The following MYO18A variants were observed in gnomAD, a reference collection of about 807,000 sequenced individuals.
The protein encoded by MYO18A is myosin XVIIIA, also known as unconventional myosin-XVIIIa.
In MYO18A, 78 loss-of-function variants were observed where a neutral mutation model predicts 235.8. The observed-to-expected ratio is 0.33, with a 90% CI of 0.28 to 0.40. The LOEUF (loss-of-function observed/expected upper bound fraction) is 0.40. Ranked by LOEUF, MYO18A falls within the 10% of genes least tolerant of loss-of-function variation. The probability of loss-of-function intolerance (pLI) is 1.00; values close to 1 mark genes in which losing one functional copy is unlikely to be tolerated. For missense variants in MYO18A, 2,215 were observed against 2,699.3 expected, an observed-to-expected ratio of 0.82 and a Z score of 3.98; for synonymous variants, 977 against 1,077.8, an observed-to-expected ratio of 0.91 and a Z score of 1.83.
At chr17:29,086,635 A>G in intron 38 of MYO18A, 58 bp from the exon 39 acceptor site, 1 of 1,581,892 alleles carries the variant, frequency 6.3e-7, no homozygotes, top group East Asian at 2.3e-5. Flanking sequence ...CTAGATGGCC[A>G]GAAGAAGCCT....
chr17:29,124,639 G>A (rs1273352834), intron 2 of MYO18A: 5 of 1,280,150 alleles, frequency 3.9e-6, no homozygotes, highest in Non-Finnish European at 3.1e-6. Context: ...CTGAGTGGGG[G>A]GAGAGCACCC....
intron 2 of MYO18A, among the ~76,000 whole-genome samples, chr17:29,122,958 T>C (rs882729): frequency 0.64 from 97,606 of 152,164 alleles, 32,909 homozygotes; most frequent in East Asian, 0.89. Flanking sequence ...GCTAATGCCA[T>C]ACAAAGGCAC....
chr17:29,122,491 G>C (rs542523070), intron 2 of MYO18A, among the ~76,000 whole-genome samples: 2 of 152,294 alleles, frequency 1.3e-5, no homozygotes, highest in African/African-American at 4.8e-5. Flanking sequence ...GCTAGAGACC[G>C]TACCATCAGT....
At position 29,121,522 on chromosome 17, in the gene MYO18A, C is replaced by A. The variant is rs2067198638; in HGVS notation, c.1371+25G>T. The A allele has an allele frequency of 1.9e-6, 3 of 1,577,162 alleles. No homozygotes were observed. The highest frequency in any genetic ancestry group is 1.8e-5 in the Admixed American group (1 of 55,184). On this transcript the variant is annotated intron_variant, in intron 5 of 41. Transcript: ENST00000527372. This position sits in a 1 kb window ranked among gnomAD's most constrained non-coding sequence, Gnocchi z 4.2. ...GGCAGGGGGTGGGACCAGGAGTCTG[C>A]AGGGTAGCCTTGAGGGTGCTGCACC...
intron 14 of MYO18A, 147 bp from the exon 15 acceptor site, chr17:29,114,244 C>G: frequency 1.6e-6 from 1 of 624,086 alleles, no homozygotes; most frequent in Non-Finnish European, 2.9e-6. Flanking sequence ...CCAAATGAAA[C>G]AGCTCCCAAG....
intron 2 of MYO18A, chr17:29,155,612 C>G (rs12950381): frequency 0.078 from 11,929 of 152,358 alleles, 621 homozygotes; most frequent in South Asian, 0.16. Context: ...GAAGGTGTTG[C>G]GGGACCCACA....
intron 25 of MYO18A, 59 bp downstream of exon 25, chr17:29,098,046 A>G (rs545311605): frequency 3.1e-6 from 5 of 1,597,760 alleles, no homozygotes; most frequent in Admixed American, 3.4e-5. Flanking sequence ...GGGGGAGCCA[A>G]TGGGCACTAG....
rs907116312 is a variant in MYO18A, at chr17:29,086,351, G to A, written c.5852+87C>T. 5.7e-5 allele frequency: 83 copies of A among 1,452,100 alleles called. No homozygotes were observed. In the African/African-American group the frequency reaches 1.1e-3, roughly 19 times the overall value. 90.0% of individuals were successfully genotyped at this position (1,452,100 alleles called of 1,614,324 possible). ...GCTTGCTCATGGGGAGGCAGAGGTT[G>A]CAACTGTTCTACCTGGTCGTCTGGT... is the stretch of plus-strand genomic sequence containing the variant. On this transcript the variant is annotated intron_variant, in intron 39 of 41. Transcript: ENST00000527372.
In MYO18A at chr17:29,118,616, T is replaced by C. The variant is rs1031539883; in HGVS notation, c.1830-176A>G. Among the ~76,000 whole-genome samples the C allele has an allele frequency of 3.3e-5, 5 of 152,196 alleles. No homozygotes were observed. Among genetic ancestry groups the C allele is most frequent in the African/African-American group, 1.2e-4 (5 of 41,470 alleles). On this transcript the variant is annotated intron_variant, in intron 8 of 41. Transcript: ENST00000527372. This position sits in a 1 kb window ranked among gnomAD's most constrained non-coding sequence, Gnocchi z 4.2. ...TGCTTTCCTAACTGGCCTGGATGCC[T>C]GGTTAGAGTACCATTCTCCTGAGGA...
chr17:29,110,271 C>A (rs2066897105), intron 18 of MYO18A, among the ~76,000 whole-genome samples, 165 bp downstream of exon 18: 1 of 152,198 alleles, frequency 6.6e-6, no homozygotes, highest in African/African-American at 2.4e-5. Flanking sequence ...TGGCCACTCA[C>A]AGGTGGCAGC....
rs370882603 is a variant in MYO18A at position 29,127,116 on chromosome 17, C to G, written c.1000-4863G>C. Among the ~76,000 whole-genome samples the G allele has an allele frequency of 1.2e-4, 19 of 152,328 alleles. 1 individual carries two copies. Among genetic ancestry groups the G allele is most frequent in the African/African-American group, 4.3e-4 (18 of 41,582 alleles). ...GAGCATTATCTGTATCATTTCTAAT[C>G]TTCTGGTTACTTAAAACCCTTATTA... On this transcript the variant is annotated intron_variant, in intron 2 of 41. Transcript: ENST00000527372.
At chr17:29,099,173 G>A (rs1221014039) in intron 22 of MYO18A, among the ~76,000 whole-genome samples, 1 of 152,140 alleles carries the variant, frequency 6.6e-6, no homozygotes, top group East Asian at 1.9e-4. Flanking sequence ...CCAGCCCTGG[G>A]AGCACTGCGC....
In MYO18A at chr17:29,115,303, C is replaced by T. The variant is rs530478631; in HGVS notation, c.2318+48G>A. ...CCAACAAGGCATGAAGGCATCTACT[C>T]CACCTCTGCCAAAGCAGGAAAAGCC... On this transcript the variant is annotated intron_variant, in intron 13 of 41. Transcript: ENST00000527372. 5.0e-6 allele frequency: 8 copies of T among 1,599,910 alleles called. No individual in the cohort carries two copies. The African/African-American group carries it at 9.4e-5, about 19-fold the overall frequency.
intron 1 of MYO18A, among the ~76,000 whole-genome samples, chr17:29,170,166 T>A (rs1205824712): frequency 6.6e-6 from 1 of 152,112 alleles, no homozygotes; most frequent in African/African-American, 2.4e-5. Context: ...TGGACACAGG[T>A]TAAGTTATTA....
chr17:29,113,645 G>A (rs1016156404), intron 15 of MYO18A, among the ~76,000 whole-genome samples: 1 of 152,214 alleles, frequency 6.6e-6, no homozygotes, highest in African/African-American at 2.4e-5. Flanking sequence ...GCCCTCACCA[G>A]CTGGGACTGG....
At chr17:29,094,225 C>A in intron 30 of MYO18A, 135 bp from the exon 31 acceptor site, 1 of 658,796 alleles carries the variant, frequency 1.5e-6, no homozygotes, top group Non-Finnish European at 2.6e-6. Context: ...ACCTTGCTCC[C>A]GTGGCAGCAG....
At chr17:29,169,271 C>T (rs1228046874) in intron 1 of MYO18A, among the ~76,000 whole-genome samples, 3 of 152,084 alleles carry the variant, frequency 2.0e-5, no homozygotes, top group African/African-American at 4.8e-5. Context: ...AGGATGGTCT[C>T]GATCTCCTGA....
intron 2 of MYO18A, among the ~76,000 whole-genome samples, chr17:29,145,536 G>T (rs997704123): frequency 6.6e-6 from 1 of 152,120 alleles, no homozygotes; most frequent in Non-Finnish European, 1.5e-5. Context: ...GGGAAGCACC[G>T]TGCCTGCTTC....
chr17:29,113,139 G>T (rs1800738278), intron 15 of MYO18A, among the ~76,000 whole-genome samples: 1 of 152,210 alleles, frequency 6.6e-6, no homozygotes. Context: ...GTCAGGAAAA[G>T]AAAATTCACT....
Sources: gnomAD v4.1 joint callset for allele counts (sites outside exome capture counted in the v4.1 genomes callset) on GRCh38, gnomAD v4.1.1 for gene constraint, Gnocchi (gnomAD v3.1) non-coding constraint, MANE v1.5 for transcripts, NCBI Gene and HGNC (gene_info 2026-07-23, HGNC 2026-07-21) for gene names.